Variants in LSAMP observed in about 807,000 individuals in gnomAD.
LSAMP encodes limbic system-associated membrane protein.
In LSAMP, 7 loss-of-function variants were observed where a neutral mutation model predicts 38.6. The ratio of observed to expected loss-of-function variants is 0.18; its 90% confidence interval spans 0.10 to 0.34. The LOEUF (loss-of-function observed/expected upper bound fraction) is 0.34, where lower values mean the gene tolerates loss of function less well. Ranked by LOEUF, LSAMP falls within the 10% of genes least tolerant of loss-of-function variation. LSAMP has a pLI of 1.00. For synonymous variants in LSAMP, 154 were observed against 166.8 expected, an observed-to-expected ratio of 0.92 and a Z score of 0.59; for missense variants, 313 against 420.0, an observed-to-expected ratio of 0.75 and a Z score of 2.23.
intron 3 of LSAMP, among the ~76,000 whole-genome samples, chr3:115,903,061 C>T (rs1174628318): frequency 6.6e-6 from 1 of 152,084 alleles, no homozygotes; most frequent in Non-Finnish European, 1.5e-5. Context: ...GCACTATTGA[C>T]AATAGCAAAG....
intron 1 of LSAMP, among the ~76,000 whole-genome samples, chr3:116,123,348 A>T (rs1477685757): frequency 6.6e-6 from 1 of 152,232 alleles, no homozygotes; most frequent in Admixed American, 6.5e-5. Flanking sequence ...TTAGAGATAC[A>T]GTTTATCCTC....
At chr3:115,810,491 G>T (rs1253538610) in intron 6 of LSAMP, 77 bp from the exon 7 acceptor site, 6 of 969,040 alleles carry the variant, frequency 6.2e-6, no homozygotes, top group Non-Finnish European at 8.2e-6. Flanking sequence ...ACTGCTGATG[G>T]TATCAGAGGT....
At chr3:116,041,150 C>T (rs771822027) in intron 2 of LSAMP, among the ~76,000 whole-genome samples, 1 of 152,158 alleles carries the variant, frequency 6.6e-6, no homozygotes, top group Non-Finnish European at 1.5e-5. Flanking sequence ...TCTCAAACTA[C>T]TGGCCTCAAG....
At chr3:116,160,351 A>G (rs1463566068) in intron 1 of LSAMP, among the ~76,000 whole-genome samples, 1 of 145,318 alleles carries the variant, frequency 6.9e-6, no homozygotes, top group African/African-American at 2.5e-5. Flanking sequence ...GTGAGCCGAG[A>G]TCGTGCCATT....
chr3:116,416,498 G>A (rs1236374037), intron 1 of LSAMP, among the ~76,000 whole-genome samples: 1 of 152,192 alleles, frequency 6.6e-6, no homozygotes, highest in Non-Finnish European at 1.5e-5. Context: ...GATTGAAAGT[G>A]TCAAGCTGAG....
chr3:116,168,124 T>A (rs1710105424), intron 1 of LSAMP, among the ~76,000 whole-genome samples: 1 of 152,234 alleles, frequency 6.6e-6, no homozygotes, highest in African/African-American at 2.4e-5. Context: ...AATAAACAAG[T>A]TATTCAAATT....
chr3:115,940,858 A>T (rs1937895229), intron 3 of LSAMP, among the ~76,000 whole-genome samples: 1 of 152,192 alleles, frequency 6.6e-6, no homozygotes, highest in South Asian at 2.1e-4. Context: ...GTTTGAAATC[A>T]GGGACTGTGA....
At position 116,164,757 on chromosome 3, in the gene LSAMP, TA is replaced by T. The variant is rs1402378735; in HGVS notation, c.156-78202del. On this transcript the variant is annotated intron_variant, in intron 1 of 6. Transcript: ENST00000490035. ...ATATATATATCCATATATATATATA[TA>T]TATTTTTTTTTTTTTTCAAGTAGCA... 7.2e-5 allele frequency among the ~76,000 whole-genome samples: 4 copies of T among 55,370 alleles called. 1 individual carries two copies. Among genetic ancestry groups the T allele is most frequent in the African/African-American group, 2.2e-4 (4 of 18,534 alleles). The allele number at this position is 55,370 out of a possible 152,430, so 36.3% of individuals were successfully genotyped here.
intron 6 of LSAMP, among the ~76,000 whole-genome samples, chr3:115,818,196 G>T (rs1283426895): frequency 6.6e-6 from 1 of 152,152 alleles, no homozygotes; most frequent in African/African-American, 2.4e-5. Flanking sequence ...ATATTTAAAT[G>T]ATTCAATACT....
chr3:115,994,937 A>G (rs1325950459), intron 3 of LSAMP, among the ~76,000 whole-genome samples: 1 of 152,032 alleles, frequency 6.6e-6, no homozygotes, highest in East Asian at 1.9e-4. Context: ...GAGATGTGTC[A>G]AGTCTGATAC....
At chr3:115,873,715 C>T (rs1399423532) in intron 3 of LSAMP, among the ~76,000 whole-genome samples, 5 of 152,030 alleles carry the variant, frequency 3.3e-5, no homozygotes, top group African/African-American at 1.2e-4. Context: ...GCTGTAAAAT[C>T]GAGGTTATAA....
chr3:116,251,578 A>G (rs1285960024), intron 1 of LSAMP, among the ~76,000 whole-genome samples: 1 of 152,224 alleles, frequency 6.6e-6, no homozygotes, highest in Non-Finnish European at 1.5e-5. Flanking sequence ...TGTCAAGACT[A>G]CAGAGGGCAG....
At chr3:116,377,791 C>G (rs921200951) in intron 1 of LSAMP, among the ~76,000 whole-genome samples, 1 of 151,928 alleles carries the variant, frequency 6.6e-6, no homozygotes, top group African/African-American at 2.4e-5. Flanking sequence ...CAATAATACA[C>G]AAACACACAC....
intron 1 of LSAMP, among the ~76,000 whole-genome samples, chr3:116,117,384 T>C (rs140398676): frequency 1.0e-3 from 154 of 152,322 alleles, no homozygotes; most frequent in African/African-American, 3.6e-3. Flanking sequence ...GAAAAACTAC[T>C]AGCAGCACAG....
chr3:115,882,630 A>G (rs1471626285), intron 3 of LSAMP, among the ~76,000 whole-genome samples: 3 of 152,264 alleles, frequency 2.0e-5, no homozygotes, highest in African/African-American at 4.8e-5. Context: ...TAATTTTTCC[A>G]TAAACTGAAT....
intron 1 of LSAMP, among the ~76,000 whole-genome samples, chr3:116,328,307 A>G (rs946119822): frequency 6.6e-6 from 1 of 152,192 alleles, no homozygotes; most frequent in Non-Finnish European, 1.5e-5. Context: ...TGCAAGCCTG[A>G]CACTGATGAT....
chr3:115,911,474 C>T (rs1400349835), intron 3 of LSAMP, among the ~76,000 whole-genome samples: 1 of 152,170 alleles, frequency 6.6e-6, no homozygotes, highest in Non-Finnish European at 1.5e-5. Context: ...CCTCCCACCT[C>T]CTGAGTAGCT....
At chr3:116,007,712 A>G (rs147400787) in intron 3 of LSAMP, among the ~76,000 whole-genome samples, 4 of 152,202 alleles carry the variant, frequency 2.6e-5, no homozygotes, top group East Asian at 1.9e-4. Context: ...TTGATTTCTT[A>G]TTATTGCACA....
intron 3 of LSAMP, among the ~76,000 whole-genome samples, chr3:116,018,371 T>C (rs1429024257): frequency 1.3e-5 from 2 of 152,170 alleles, no homozygotes; most frequent in African/African-American, 4.8e-5. Context: ...TATAAACAAA[T>C]ACTATCCTGG....
Sources: gnomAD v4.1 joint callset for allele counts (sites outside exome capture counted in the v4.1 genomes callset) on GRCh38, gnomAD v4.1.1 for gene constraint, MANE v1.5 for transcripts, NCBI Gene and HGNC (gene_info 2026-07-23, HGNC 2026-07-21) for gene names.